COLEC12: variants seen among roughly 807,000 people sequenced by gnomAD.
The protein encoded by COLEC12 is collectin-12.
A neutral mutation model predicts 71.1 loss-of-function variants in COLEC12; 33 were observed. The observed-to-expected ratio is 0.46, with a 90% CI of 0.35 to 0.62. The LOEUF (loss-of-function observed/expected upper bound fraction) is 0.62. COLEC12 is among the 20% of genes least tolerant of loss of function. The pLI, the probability that COLEC12 is intolerant of heterozygous loss-of-function variation, is 0.00. For synonymous variants in COLEC12, 350 were observed against 353.0 expected, an observed-to-expected ratio of 0.99 and a Z score of 0.10; for missense variants, 765 against 916.1, an observed-to-expected ratio of 0.84 and a Z score of 2.13.
chr18:484,928 G>A (rs1299808447), intron 1 of COLEC12, among the ~76,000 whole-genome samples: 1 of 152,218 alleles, frequency 6.6e-6, no homozygotes, highest in Non-Finnish European at 1.5e-5. Context: ...AAGAGGAAGA[G>A]GGTAAAGCTG....
rs946382636 is a variant in COLEC12 at position 383,104 on chromosome 18, A to G, written c.59-25582T>C. 7.9e-5 allele frequency among the ~76,000 whole-genome samples: 12 copies of G among 152,196 alleles called. 1 individual carries two copies. Among genetic ancestry groups the G allele is most frequent in the Admixed American group, 7.9e-4 (12 of 15,278 alleles). On this transcript the variant is annotated intron_variant, in intron 2 of 9. Transcript: ENST00000400256. ...CAGGACTGCCTGTACTGTGTGGGCA[A>G]GTCTGTCTAATCTGGAGTCCAGGAC...
At chr18:447,349 T>A (rs2621188) in intron 2 of COLEC12, among the ~76,000 whole-genome samples, 1 of 151,996 alleles carries the variant, frequency 6.6e-6, no homozygotes, top group Non-Finnish European at 1.5e-5. Flanking sequence ...TCAGAGGCAA[T>A]TGGACATCCC....
intron 1 of COLEC12, among the ~76,000 whole-genome samples, chr18:487,277 T>C (rs1917537401): frequency 6.6e-6 from 1 of 152,242 alleles, no homozygotes; most frequent in Non-Finnish European, 1.5e-5. Context: ...TAGCAAAGTC[T>C]AGATTCAGAA....
At chr18:434,914 T>G (rs546635059) in intron 2 of COLEC12, among the ~76,000 whole-genome samples, 1 of 152,264 alleles carries the variant, frequency 6.6e-6, no homozygotes, top group Admixed American at 6.5e-5. Context: ...CCAAACCACT[T>G]GCCATTCCCA....
intron 2 of COLEC12, among the ~76,000 whole-genome samples, chr18:455,207 C>T (rs934838998): frequency 2.6e-5 from 4 of 151,832 alleles, no homozygotes; most frequent in Admixed American, 2.6e-4. Context: ...AAATGAAAGG[C>T]ATTGTGATGC....
chr18:493,873 T>C (rs9960009), intron 1 of COLEC12, among the ~76,000 whole-genome samples: 13,725 of 152,252 alleles, frequency 0.09, 662 homozygotes, highest in Admixed American at 0.14. Flanking sequence ...GACAAACTTG[T>C]TTAATGTTGT....
chr18:409,339 G>C, intron 2 of COLEC12, among the ~76,000 whole-genome samples: 1 of 152,218 alleles, frequency 6.6e-6, no homozygotes, highest in East Asian at 1.9e-4. Flanking sequence ...TCAGGAGTTC[G>C]AGACCAAACT....
At chr18:357,958 T>C (rs1463290822) in intron 2 of COLEC12, among the ~76,000 whole-genome samples, 5 of 151,026 alleles carry the variant, frequency 3.3e-5, no homozygotes, top group Non-Finnish European at 7.4e-5. Flanking sequence ...CCACCTGAGC[T>C]CTGTCTCCTG....
intron 2 of COLEC12, among the ~76,000 whole-genome samples, chr18:455,653 C>A (rs750454432): frequency 9.2e-5 from 14 of 151,838 alleles, no homozygotes; most frequent in Non-Finnish European, 5.9e-5. Context: ...CTTTGCCCCC[C>A]CCTCCCCTGA....
At chr18:339,206 C>G (rs2143451356) in intron 5 of COLEC12, among the ~76,000 whole-genome samples, 1 of 152,308 alleles carries the variant, frequency 6.6e-6, no homozygotes, top group Non-Finnish European at 1.5e-5. Flanking sequence ...AGATACAACT[C>G]TCCCTTCCTC....
At chr18:447,538 G>A (rs1916676876) in intron 2 of COLEC12, among the ~76,000 whole-genome samples, 1 of 152,188 alleles carries the variant, frequency 6.6e-6, no homozygotes, top group Non-Finnish European at 1.5e-5. Context: ...AAGTGAAACA[G>A]ATCCACCATA....
chr18:493,130 C>T (rs779835063), intron 1 of COLEC12, among the ~76,000 whole-genome samples: 5 of 152,160 alleles, frequency 3.3e-5, no homozygotes, highest in African/African-American at 1.2e-4. Flanking sequence ...TCGCTCGAAC[C>T]CAAGAGACAG....
intron 2 of COLEC12, among the ~76,000 whole-genome samples, chr18:477,467 A>G (rs890650224): frequency 6.7e-6 from 1 of 148,498 alleles, no homozygotes; most frequent in African/African-American, 2.6e-5. Flanking sequence ...TAAACCCTCT[A>G]TGTCACCCAG....
intron 2 of COLEC12, among the ~76,000 whole-genome samples, chr18:358,595 G>T (rs778798374): frequency 2.2e-4 from 34 of 152,298 alleles, no homozygotes; most frequent in Non-Finnish European, 4.0e-4. Context: ...AGCTCAGGTG[G>T]TCATGCAAGT....
At chr18:381,557 T>C (rs1203715964) in intron 2 of COLEC12, among the ~76,000 whole-genome samples, 1 of 152,244 alleles carries the variant, frequency 6.6e-6, no homozygotes, top group Non-Finnish European at 1.5e-5. Flanking sequence ...GAATATAAGT[T>C]GTTATAACCT....
At chr18:499,682 TATCTC>T (rs1389569531) in intron 1 of COLEC12, among the ~76,000 whole-genome samples, 1 of 152,218 alleles carries the variant, frequency 6.6e-6, no homozygotes, top group Non-Finnish European at 1.5e-5. Flanking sequence ...TGCGGTTACT[TATCTC>T]ATACATAAAT....
intron 2 of COLEC12, among the ~76,000 whole-genome samples, chr18:462,218 G>C (rs1439347891): frequency 6.6e-6 from 1 of 152,106 alleles, no homozygotes; most frequent in Admixed American, 6.5e-5. Flanking sequence ...AAAAACACAA[G>C]CCCACACAAA....
At chr18:452,181 G>A (rs534946181) in intron 2 of COLEC12, among the ~76,000 whole-genome samples, 163 of 152,272 alleles carry the variant, frequency 1.1e-3, no homozygotes, top group Middle Eastern at 3.4e-3. Flanking sequence ...CACATACACC[G>A]TGTTGGAAAA....
intron 2 of COLEC12, among the ~76,000 whole-genome samples, chr18:414,710 T>C (rs116056399): frequency 0.012 from 1,784 of 152,290 alleles, 41 homozygotes; most frequent in African/African-American, 0.041. Flanking sequence ...CCTCTGAATC[T>C]GAAGTTAGGA....
Sources: gnomAD v4.1 joint callset for allele counts (sites outside exome capture counted in the v4.1 genomes callset) on GRCh38, gnomAD v4.1.1 for gene constraint, MANE v1.5 for transcripts, NCBI Gene and HGNC (gene_info 2026-07-23, HGNC 2026-07-21) for gene names.